Variants in FBXO4 observed in about 807,000 individuals in gnomAD.
FBXO4 encodes the protein F-box only protein 4.
In FBXO4, 36 loss-of-function variants were observed where a neutral mutation model predicts 43.7. The ratio of observed to expected loss-of-function variants is 0.82; its 90% CI spans 0.63 to 1.09. FBXO4 has a LOEUF of 1.09. FBXO4 is among the 50% of genes least tolerant of loss of function. The probability of loss-of-function intolerance (pLI) is 0.00; values close to 1 mark genes in which losing one functional copy is unlikely to be tolerated. For missense variants in FBXO4, 435 were observed against 474.1 expected (o/e 0.92, Z 0.77); for synonymous variants, 180 against 165.6 (o/e 1.09, Z -0.67).
chr5:41,967,514 G>A, the FBXO4 span: 1 of 782,786 alleles, frequency 1.3e-6, no homozygotes, highest in Non-Finnish European at 2.2e-6. Context: ...TATAACAGTG[G>A]CATCACCTCC....
chr5:42,036,118 T>C, the FBXO4 span, among the ~76,000 whole-genome samples: 1 of 152,132 alleles, frequency 6.6e-6, no homozygotes, highest in Admixed American at 6.6e-5. Flanking sequence ...GATATTACTT[T>C]GAGAACCACT....
At chr5:41,987,537 T>A in the FBXO4 span, among the ~76,000 whole-genome samples, 6 of 152,182 alleles carry the variant, frequency 3.9e-5, no homozygotes, top group African/African-American at 1.4e-4. Context: ...TGAGGAATAT[T>A]ACTGTAGAGA....
chr5:41,963,006 C>T, the FBXO4 span, among the ~76,000 whole-genome samples: 1 of 152,042 alleles, frequency 6.6e-6, no homozygotes, highest in Non-Finnish European at 1.5e-5. Context: ...AGGTTTTATC[C>T]CTCATTCTTA....
chr5:42,019,443 CT>C, the FBXO4 span, among the ~76,000 whole-genome samples: 1 of 152,134 alleles, frequency 6.6e-6, no homozygotes, highest in Non-Finnish European at 1.5e-5. Flanking sequence ...AATCCCAGCA[CT>C]TTGGGAGTCC....
chr5:42,001,127 T>C, the FBXO4 span, among the ~76,000 whole-genome samples: 5 of 152,234 alleles, frequency 3.3e-5, no homozygotes, highest in Admixed American at 6.5e-5. Context: ...ATTGGAATTT[T>C]TGGTAGGAAC....
chr5:41,934,959 T>G, intron 5 of FBXO4: 1 of 974,146 alleles, frequency 1.0e-6, no homozygotes, highest in Non-Finnish European at 1.2e-6. Context: ...TATATTATAG[T>G]TCTCTAATAC....
At chr5:41,959,806 G>A in the FBXO4 span, among the ~76,000 whole-genome samples, 2 of 151,974 alleles carry the variant, frequency 1.3e-5, no homozygotes, top group Non-Finnish European at 2.9e-5. Context: ...GATGCCTCCT[G>A]CTTTGTTCTT....
At chr5:42,026,456 GT>G in the FBXO4 span, among the ~76,000 whole-genome samples, 4 of 151,794 alleles carry the variant, frequency 2.6e-5, no homozygotes, top group African/African-American at 7.2e-5. Context: ...TTCTAGGTTT[GT>G]TTGTGTAGTA....
chr5:42,038,355 T>A, the FBXO4 span, among the ~76,000 whole-genome samples: 3 of 152,252 alleles, frequency 2.0e-5, no homozygotes, highest in Non-Finnish European at 2.9e-5. Flanking sequence ...ATTAAACGAT[T>A]GTTTCCAATA....
At chr5:42,001,213 TGTC>T in the FBXO4 span, among the ~76,000 whole-genome samples, 9,582 of 149,950 alleles carry the variant, frequency 0.064, 332 homozygotes, top group African/African-American at 0.084. Flanking sequence ...ATGAAAACAT[TGTC>T]ATTCATTCAT....
chr5:41,968,470 CA>C, the FBXO4 span: 5 of 152,304 alleles, frequency 3.3e-5, no homozygotes, highest in African/African-American at 1.2e-4. Flanking sequence ...GAATTTTTTA[CA>C]AAAATTAAGT....
chr5:42,014,737 A>G, the FBXO4 span, among the ~76,000 whole-genome samples: 1 of 152,138 alleles, frequency 6.6e-6, no homozygotes, highest in Non-Finnish European at 1.5e-5. Flanking sequence ...AATTCACTCT[A>G]GCCTGCCCTT....
At chr5:41,932,545 A>G (rs1751719683) in intron 3 of FBXO4, among the ~76,000 whole-genome samples, 1 of 152,198 alleles carries the variant, frequency 6.6e-6, no homozygotes, top group African/African-American at 2.4e-5. Context: ...GAAAGGCTGG[A>G]GTTGTCTCTA....
the FBXO4 span, among the ~76,000 whole-genome samples, chr5:41,965,021 A>T: frequency 2.6e-5 from 4 of 152,134 alleles, no homozygotes; most frequent in Non-Finnish European, 4.4e-5. Flanking sequence ...TTTTAGGTCT[A>T]ACATTTAAGT....
the FBXO4 span, among the ~76,000 whole-genome samples, chr5:42,000,537 C>T: frequency 2.0e-5 from 3 of 152,022 alleles, no homozygotes; most frequent in East Asian, 1.9e-4. Flanking sequence ...CCATAGGTTG[C>T]CTTTCATTTT....
At chr5:41,991,945 G>A in the FBXO4 span, among the ~76,000 whole-genome samples, 1 of 152,100 alleles carries the variant, frequency 6.6e-6, no homozygotes, top group Non-Finnish European at 1.5e-5. Context: ...AGGCGTGGTG[G>A]GGCATGCCTG....
the FBXO4 span, chr5:41,951,826 C>G: frequency 9.3e-6 from 2 of 213,938 alleles, no homozygotes; most frequent in Admixed American, 5.5e-5. Flanking sequence ...AATCAGTAAC[C>G]ACCAGCAATG....
chr5:41,982,450 A>T, the FBXO4 span, among the ~76,000 whole-genome samples: 1 of 151,940 alleles, frequency 6.6e-6, no homozygotes, highest in Non-Finnish European at 1.5e-5. Flanking sequence ...TTCTAATTTC[A>T]TTGCTGTTTT....
chr5:41,995,162 T>A, the FBXO4 span, among the ~76,000 whole-genome samples: 1 of 152,200 alleles, frequency 6.6e-6, no homozygotes, highest in Non-Finnish European at 1.5e-5. Context: ...ACTGCCACAC[T>A]TCTTTAGCCG....
Sources: gnomAD v4.1 joint callset for allele counts (sites outside exome capture counted in the v4.1 genomes callset) on GRCh38, gnomAD v4.1.1 for gene constraint, MANE v1.5 for transcripts, NCBI Gene and HGNC (gene_info 2026-07-23, HGNC 2026-07-21) for gene names.